The following FBN2 variants were observed in gnomAD, a reference collection of about 807,000 sequenced individuals.
FBN2 encodes fibrillin-2.
In FBN2, 105 loss-of-function variants were observed where a neutral mutation model predicts 355.6. That is an observed-to-expected ratio of 0.30 (90% CI 0.25 to 0.35). The LOEUF (loss-of-function observed/expected upper bound fraction) is 0.35, where lower values mean the gene tolerates loss of function less well. FBN2 is among the 10% of genes least tolerant of loss of function. The pLI, the probability that FBN2 is intolerant of heterozygous loss-of-function variation, is 1.00. For missense variants in FBN2, 3,280 were observed against 3,758.7 expected (o/e 0.87, Z 3.33); for synonymous variants, 1,350 against 1,301.2 (o/e 1.04, Z -0.81).
At chr5:128,472,879 G>A (rs572522967) in intron 5 of FBN2, among the ~76,000 whole-genome samples, 16 of 151,972 alleles carry the variant, frequency 1.1e-4, no homozygotes, top group Middle Eastern at 3.4e-3. Context: ...AAAAAGCTCC[G>A]GGAGTAAGTA....
chr5:128,385,173 G>A (rs1425266844), intron 11 of FBN2, among the ~76,000 whole-genome samples: 1 of 152,120 alleles, frequency 6.6e-6, no homozygotes, highest in African/African-American at 2.4e-5. Context: ...AATAAGCCTA[G>A]TGCCTGATAG....
chr5:128,464,738 G>C lies in FBN2; in HGVS notation c.812C>G (p.Thr271Ser), dbSNP rs1754660014. ...CRRGFIPNIR[T>S]GACQDVDECQ... ...AGCTGACTCACCTTGGCAAGCTCCA[G>C]TGCGGATGTTGGGGATGAAACCCCG... The change falls in exon 6 of 65, where the codon ACT (threonine) becomes AGT (serine). Residue 271 changes from threonine (T) to serine (S), a missense_variant. Physicochemically the swap from Thr to Ser is moderately conservative, Grantham distance 58 (BLOSUM62 1). Coordinates refer to ENST00000262464, the MANE Select transcript of FBN2 (RefSeq NM_001999.4). 6.2e-7 allele frequency: 1 copy of C among 1,613,616 alleles called. No homozygotes were observed. The highest frequency in any genetic ancestry group is 8.5e-7 in the Non-Finnish European group (1 of 1,179,950).
intron 5 of FBN2, among the ~76,000 whole-genome samples, chr5:128,506,308 G>A (rs1213172967): frequency 6.6e-6 from 1 of 152,082 alleles, no homozygotes; most frequent in African/African-American, 2.4e-5. Flanking sequence ...ATGAACATAT[G>A]TATTTCTTCA....
At chr5:128,500,636 G>C (rs111303290) in intron 5 of FBN2, among the ~76,000 whole-genome samples, 18,304 of 151,456 alleles carry the variant, frequency 0.12, 1,498 homozygotes, top group African/African-American at 0.23. Flanking sequence ...AGTAAAGACG[G>C]AGTTTCACCA....
intron 7 of FBN2, among the ~76,000 whole-genome samples, chr5:128,421,160 C>G (rs1753341795): frequency 6.6e-6 from 1 of 152,140 alleles, no homozygotes; most frequent in Admixed American, 6.5e-5. Context: ...AAGTGACAGG[C>G]CTAGAATGCC....
At chr5:128,480,403 C>T (rs142065097) in intron 5 of FBN2, among the ~76,000 whole-genome samples, 36 of 152,120 alleles carry the variant, frequency 2.4e-4, no homozygotes, top group East Asian at 2.3e-3. Flanking sequence ...ACCAGCTACA[C>T]GCCTATGGTC....
At position 128,418,722 on chromosome 5, in the gene FBN2, A is replaced by G. The variant is rs901312861; in HGVS notation, c.953-9923T>C. 5.3e-5 allele frequency among the ~76,000 whole-genome samples: 8 copies of G among 152,056 alleles called. 1 individual carries two copies. The highest frequency in any genetic ancestry group is 5.2e-4 in the Admixed American group (8 of 15,254). On this transcript the variant is annotated intron_variant, in intron 7 of 64. Coordinates refer to ENST00000262464, the MANE Select transcript of FBN2 (RefSeq NM_001999.4). ...TTGTTTTATTCTATTGTGATCTGAG[A>G]AGATATGTGGTATGATTTTGATTTT... is the stretch of plus-strand genomic sequence containing the variant.
At chr5:128,476,386 A>C (rs779986180) in intron 5 of FBN2, among the ~76,000 whole-genome samples, 2 of 152,156 alleles carry the variant, frequency 1.3e-5, no homozygotes, top group Non-Finnish European at 2.9e-5. Flanking sequence ...TATCCTGTCT[A>C]TATTAAAACC....
chr5:128,357,171 C>G, intron 20 of FBN2, 105 bp downstream of exon 20: 1 of 1,414,982 alleles, frequency 7.1e-7, no homozygotes, highest in Non-Finnish European at 1.0e-6. Context: ...ATGTGTAATT[C>G]TTTGCTTTTT....
chr5:128,454,303 G>A (rs1754329079), intron 6 of FBN2, among the ~76,000 whole-genome samples: 1 of 152,078 alleles, frequency 6.6e-6, no homozygotes, highest in Non-Finnish European at 1.5e-5. Context: ...TAGAAGAAGA[G>A]GAATATTCTG....
At chr5:128,297,627 A>C (rs1477196616) in intron 48 of FBN2, among the ~76,000 whole-genome samples, 2 of 152,066 alleles carry the variant, frequency 1.3e-5, no homozygotes, top group East Asian at 1.9e-4. Context: ...TGTTGGTTTA[A>C]AGGCTGTTTT....
chr5:128,262,103 G>A (rs1321770116), intron 63 of FBN2, among the ~76,000 whole-genome samples, 196 bp from the exon 64 acceptor site: 3 of 152,152 alleles, frequency 2.0e-5, no homozygotes. Context: ...CCAAGCTGGA[G>A]TACAGTGGCA....
Position 128,413,602 on chromosome 5 carries a change from T to G in FBN2, c.953-4803A>C, listed in dbSNP as rs569665416. On this transcript the variant is annotated intron_variant, in intron 7 of 64. Transcript: ENST00000262464. ...TGTCAACCAACATTTCCTGTAAATC[T>G]TACACTAAACGGAATATAATGAATA... Among the ~76,000 whole-genome samples the G allele has an allele frequency of 2.0e-5, 3 of 152,248 alleles. No individual in the cohort carries two copies. The South Asian group carries it at 6.2e-4, about 32-fold the overall frequency.
At chr5:128,368,443 T>G (rs796544015) in intron 16 of FBN2, among the ~76,000 whole-genome samples, 1 of 106,104 alleles carries the variant, frequency 9.4e-6, no homozygotes, top group African/African-American at 3.5e-5. Flanking sequence ...TACACATATA[T>G]ACATATATAT....
At chr5:128,533,252 T>C (rs989790197) in intron 2 of FBN2, among the ~76,000 whole-genome samples, 1 of 152,174 alleles carries the variant, frequency 6.6e-6, no homozygotes, top group Non-Finnish European at 1.5e-5. Flanking sequence ...CAATATTTAG[T>C]CTAGGCTTAA....
At chr5:128,455,338 G>T (rs1162800028) in intron 6 of FBN2, among the ~76,000 whole-genome samples, 1 of 152,102 alleles carries the variant, frequency 6.6e-6, no homozygotes, top group Non-Finnish European at 1.5e-5. Context: ...ATAATAAAAT[G>T]GAAGAAAGTA....
intron 28 of FBN2, 119 bp downstream of exon 28, chr5:128,335,869 G>T: frequency 9.3e-7 from 1 of 1,077,554 alleles, no homozygotes; most frequent in Non-Finnish European, 1.4e-6. Context: ...TCTGCCCCTA[G>T]TCTTACATTC....
Position 128,537,848 on chromosome 5 carries a change from G to A in FBN2, c.-245C>T. ...AGCGGCGAGGCGCGGCGGAGGTGCA[G>A]CCGGCAGCCCCGAGCGGTACACGTT... On this transcript the variant is annotated 5_prime_UTR_variant, in exon 1 of 65. Coordinates refer to ENST00000262464, the MANE Select transcript of FBN2 (RefSeq NM_001999.4). The A allele has an allele frequency of 1.7e-6, 1 of 593,350 alleles. No homozygotes were observed. The highest frequency in any genetic ancestry group is 3.0e-6 in the Non-Finnish European group (1 of 333,392). The allele number at this position is 593,350 out of a possible 1,614,324, so 36.8% of individuals were successfully genotyped here. A position where few individuals can be genotyped will look rare whatever the true frequency, so the allele number is the denominator to read the frequency against.
chr5:128,343,541 A>T (rs1162578981), intron 25 of FBN2, among the ~76,000 whole-genome samples: 1 of 152,198 alleles, frequency 6.6e-6, no homozygotes, highest in Non-Finnish European at 1.5e-5. Context: ...ACGAACAAAG[A>T]GAGTGCTGAG....
Sources: allele counts gnomAD v4.1 joint callset (sites outside exome capture counted in the v4.1 genomes callset), GRCh38; gene constraint gnomAD v4.1.1; transcripts MANE v1.5; gene names NCBI Gene and HGNC (gene_info 2026-07-23, HGNC 2026-07-21).